The following EIF5AL1 variants were observed in gnomAD, a reference collection of about 807,000 sequenced individuals.
The protein encoded by EIF5AL1 is eukaryotic translation initiation factor 5A like 1.
Under a neutral mutation model 9.0 loss-of-function variants are expected in EIF5AL1, and 4 were observed. The observed-to-expected ratio is 0.45, with a 90% CI of 0.22 to 1.02. The LOEUF (loss-of-function observed/expected upper bound fraction) is 1.02. EIF5AL1 is among the 50% of genes least tolerant of loss of function. The pLI is 0.24. For missense variants in EIF5AL1, 58 were observed against 194.1 expected (o/e 0.30, Z 4.17); for synonymous variants, 40 against 75.7 (o/e 0.53, Z 2.45).
rs1471850577 is a variant in EIF5AL1 at position 79,514,319 on chromosome 10, C to T, written c.*1205C>T. On this transcript the variant is annotated 3_prime_UTR_variant, in exon 1 of 1. Coordinates refer to ENST00000520547, the MANE Select transcript of EIF5AL1 (RefSeq NM_001099692.2). ...CTAACTGAGATGCAAAGAAGCAGAG[C>T]AGCTTTTGCACCATGTGGAGGACTA... 6.0e-6 allele frequency: 1 copy of T among 167,080 alleles called. No individual in the cohort carries two copies. The highest frequency in any genetic ancestry group is 2.4e-5 in the African/African-American group (1 of 41,434). 10.3% of individuals were successfully genotyped at this position (167,080 alleles called of 1,614,324 possible). A position where few individuals can be genotyped will look rare whatever the true frequency, so the allele number is the denominator to read the frequency against.
chr10:79,512,809 G>A lies in EIF5AL1; in HGVS notation c.160G>A (p.Ala54Thr), dbSNP rs898448475. Residue 54 changes from alanine (A) to threonine (T), a missense_variant, in exon 1 of 1, where the codon GCC (alanine) becomes ACC (threonine). Physicochemically the swap from Ala to Thr is moderately conservative, Grantham distance 58. This residue lies in a region of EIF5AL1 where 10 missense variants were observed against 89.7 expected (regional missense o/e 0.11). Transcript: ENST00000520547. Reference sequence around the variant, plus strand: ...TTCGAAGACTGGCAAGCACGGCCACGCCAAGGTCCATCTGGTTGGTATTGA... The same window carrying A: ...TTCGAAGACTGGCAAGCACGGCCACACCAAGGTCCATCTGGTTGGTATTGA... Reference protein sequence around the residue: ...SASKTGKHGHAKVHLVGIDIF... With the variant: ...SASKTGKHGHTKVHLVGIDIF... 7 of 1,611,238 alleles carry A rather than the reference G, an allele frequency of 4.3e-6. No individual in the cohort carries two copies. In the African/African-American group the frequency reaches 8.1e-5, roughly 19 times the overall value.
rs1404824417 is a variant in EIF5AL1, at chr10:79,515,934, T to G, written c.*2820T>G. ...ACCCAAAAAAACATGTACTAGGATT[T>G]CAATAGAAGCAATGGGTGATCTAAA... On this transcript the variant is annotated 3_prime_UTR_variant, in exon 1 of 1. Coordinates refer to ENST00000520547, the MANE Select transcript of EIF5AL1 (RefSeq NM_001099692.2). 1 of 167,074 alleles carries G rather than the reference T, an allele frequency of 6.0e-6. No homozygotes were observed. The highest frequency in any genetic ancestry group is 1.5e-5 in the Non-Finnish European group (1 of 68,120). The allele number at this position is 167,074 out of a possible 1,614,324, so 10.3% of individuals were successfully genotyped here. A position where few individuals can be genotyped will look rare whatever the true frequency, so the allele number is the denominator to read the frequency against.
rs534012209 is a variant in EIF5AL1 at position 79,515,870 on chromosome 10, G to GT, written c.*2764dup. The GT allele has an allele frequency of 0.27, 45,488 of 166,306 alleles. 6,506 individuals carry two copies. The highest frequency in any genetic ancestry group is 0.38 in the African/African-American group (15,564 of 41,218). 10.3% of individuals were successfully genotyped at this position (166,306 alleles called of 1,614,324 possible). ...ACATCTTTAAAGTTCTGTGTAGAAT[G>GT]TTTTTTTTCTGATTTCTTCACATAC... On this transcript the variant is annotated 3_prime_UTR_variant, in exon 1 of 1. Coordinates refer to ENST00000520547, the MANE Select transcript of EIF5AL1 (RefSeq NM_001099692.2).
rs1367110376 is a variant in EIF5AL1 at position 79,514,719 on chromosome 10, A to T, written c.*1605A>T. 1.8e-5 allele frequency: 3 copies of T among 167,586 alleles called. No homozygotes were observed. The highest frequency in any genetic ancestry group is 7.2e-5 in the African/African-American group (3 of 41,460). 10.4% of individuals were successfully genotyped at this position (167,586 alleles called of 1,614,324 possible). A position where few individuals can be genotyped will look rare whatever the true frequency, so the allele number is the denominator to read the frequency against. ...AAAAGCTAAAAGACTGTGAAAATGA[A>T]TCCAGAGGTGACCCAAGCATTGAAT... On this transcript the variant is annotated 3_prime_UTR_variant, in exon 1 of 1. Coordinates refer to ENST00000520547, the MANE Select transcript of EIF5AL1 (RefSeq NM_001099692.2).
At position 79,513,276 on chromosome 10, in the gene EIF5AL1, G is replaced by C; in HGVS notation, c.*162G>C. 1.3e-6 allele frequency: 1 copy of C among 766,144 alleles called. No homozygotes were observed. The highest frequency in any genetic ancestry group is 2.7e-5 in the East Asian group (1 of 37,348). 47.5% of individuals were successfully genotyped at this position (766,144 alleles called of 1,614,324 possible). On this transcript the variant is annotated 3_prime_UTR_variant, in exon 1 of 1. Coordinates refer to ENST00000520547, the MANE Select transcript of EIF5AL1 (RefSeq NM_001099692.2). ...TTTCCCCACCCCCTCAATCTGTCAG[G>C]GAGCCCCTGCCCTTCACCTAGCTCC...
rs1858181214 is a variant in EIF5AL1 at position 79,513,343 on chromosome 10, C to T, written c.*229C>T. 1.3e-5 allele frequency: 8 copies of T among 616,554 alleles called. No individual in the cohort carries two copies. The South Asian group carries it at 1.4e-4, about 11-fold the overall frequency. The allele number at this position is 616,554 out of a possible 1,614,324, so 38.2% of individuals were successfully genotyped here. On this transcript the variant is annotated 3_prime_UTR_variant, in exon 1 of 1. Coordinates refer to ENST00000520547, the MANE Select transcript of EIF5AL1 (RefSeq NM_001099692.2). Reference sequence around the variant, plus strand: ...CGAAGCCATGGCCTTGGTGAAGCTGCCCTCCTCTTCTCCCCTCACACTACA... The same window carrying T: ...CGAAGCCATGGCCTTGGTGAAGCTGTCCTCCTCTTCTCCCCTCACACTACA...
rs186448262 is a variant in EIF5AL1 at position 79,514,671 on chromosome 10, G to T, written c.*1557G>T. 6.0e-6 allele frequency: 1 copy of T among 167,028 alleles called. No homozygotes were observed. Among genetic ancestry groups the T allele is most frequent in the Non-Finnish European group, 1.5e-5 (1 of 68,150 alleles). 10.3% of individuals were successfully genotyped at this position (167,028 alleles called of 1,614,324 possible). ...GCCAAAAAGACTAGTCATGTGGCAGGAAAAATACAATGTCATATGACCAAA... is the reference window on the plus strand; with the variant it reads ...GCCAAAAAGACTAGTCATGTGGCAGTAAAAATACAATGTCATATGACCAAA... On this transcript the variant is annotated 3_prime_UTR_variant, in exon 1 of 1. Transcript: ENST00000520547.
At position 79,513,452 on chromosome 10, in the gene EIF5AL1, G is replaced by A. The variant is rs2475362; in HGVS notation, c.*338G>A. On this transcript the variant is annotated 3_prime_UTR_variant, in exon 1 of 1. Coordinates refer to ENST00000520547, the MANE Select transcript of EIF5AL1 (RefSeq NM_001099692.2). ...TAAATTCAATCTGGAATCAGAAAGC[G>A]GTGGATTCTGGCAAATGGTCCTTGT... 7,290 of 383,524 alleles carry A rather than the reference G, an allele frequency of 0.019. 95 individuals carry two copies. Among genetic ancestry groups the A allele is most frequent in the African/African-American group, 0.026 (1,257 of 48,108 alleles). The allele number at this position is 383,524 out of a possible 1,614,324, so 23.8% of individuals were successfully genotyped here.
chr10:79,512,675 C>T lies in EIF5AL1; in HGVS notation c.26C>T (p.Thr9Ile). The change falls in exon 1 of 1, where the codon ACA (threonine) becomes ATA (isoleucine). Residue 9 changes from threonine (T) to isoleucine (I), a missense_variant. Thr to Ile is a moderately conservative substitution (Grantham distance 89). Transcript: ENST00000520547. ...ATGGCAGATGATTTGGACTTCGAGA[C>T]AGGAGATGCAGGGGCCTCAGCCACC... MADDLDFETGDAGASATFP... is the reference protein window; with the variant it reads MADDLDFEIGDAGASATFP... 2 of 1,332,588 alleles carry T rather than the reference C, an allele frequency of 1.5e-6. No homozygotes were observed. The highest frequency in any genetic ancestry group is 2.1e-6 in the Non-Finnish European group (2 of 949,224). 82.5% of individuals were successfully genotyped at this position (1,332,588 alleles called of 1,614,324 possible).
rs1187714944 is a variant in EIF5AL1, at chr10:79,514,661, C to T, written c.*1547C>T. The T allele has an allele frequency of 6.0e-6, 1 of 167,066 alleles. No homozygotes were observed. The highest frequency in any genetic ancestry group is 1.5e-5 in the Non-Finnish European group (1 of 68,162). 10.3% of individuals were successfully genotyped at this position (167,066 alleles called of 1,614,324 possible). On this transcript the variant is annotated 3_prime_UTR_variant, in exon 1 of 1. Transcript: ENST00000520547. ...CTTACATTTAGCCAAAAAGACTAGT[C>T]ATGTGGCAGGAAAAATACAATGTCA...
In EIF5AL1 at chr10:79,513,285, G is replaced by A; in HGVS notation, c.*171G>A. 1.4e-6 allele frequency: 1 copy of A among 719,922 alleles called. No homozygotes were observed. Among genetic ancestry groups the A allele is most frequent in the Non-Finnish European group, 2.4e-6 (1 of 425,394 alleles). 44.6% of individuals were successfully genotyped at this position (719,922 alleles called of 1,614,324 possible). The stretch of plus-strand genomic sequence containing the variant: ...CCCCTCAATCTGTCAGGGAGCCCCT[G>A]CCCTTCACCTAGCTCCCTTGGCCAG... On this transcript the variant is annotated 3_prime_UTR_variant, in exon 1 of 1. Transcript: ENST00000520547.
In EIF5AL1 at chr10:79,516,310, A is replaced by G. The variant is rs1251881271; in HGVS notation, c.*3196A>G. 2 of 167,136 alleles carry G rather than the reference A, an allele frequency of 1.2e-5. No homozygotes were observed. Among genetic ancestry groups the G allele is most frequent in the Non-Finnish European group, 2.9e-5 (2 of 68,130 alleles). 10.4% of individuals were successfully genotyped at this position (167,136 alleles called of 1,614,324 possible). ...GACTAAGTTGGGTAGAGACTGTTCA[A>G]TGTGCCTAGATATCTTCAGAACTTA... On this transcript the variant is annotated 3_prime_UTR_variant, in exon 1 of 1. Transcript: ENST00000520547.
rs945443641 is a variant in EIF5AL1, at chr10:79,515,440, A to G, written c.*2326A>G. The stretch of plus-strand genomic sequence containing the variant: ...CACAACTGAACTGTACATTTCAACA[A>G]GGTTAAGATGGTAATTATCACGTTA... On this transcript the variant is annotated 3_prime_UTR_variant, in exon 1 of 1. Coordinates refer to ENST00000520547, the MANE Select transcript of EIF5AL1 (RefSeq NM_001099692.2). 8 of 168,612 alleles carry G rather than the reference A, an allele frequency of 4.7e-5. No homozygotes were observed. Among genetic ancestry groups the G allele is most frequent in the African/African-American group, 1.9e-4 (8 of 41,462 alleles). 10.4% of individuals were successfully genotyped at this position (168,612 alleles called of 1,614,324 possible).
Position 79,514,819 on chromosome 10 carries a change from C to T in EIF5AL1, c.*1705C>T, listed in dbSNP as rs866838038. ...CAAGAATGTAGGAAGGGAAAGGAAA[C>T]ACGAAGATTAATCAAGCAGGAAGGA... On this transcript the variant is annotated 3_prime_UTR_variant, in exon 1 of 1. Coordinates refer to ENST00000520547, the MANE Select transcript of EIF5AL1 (RefSeq NM_001099692.2). 1,182 of 168,068 alleles carry T rather than the reference C, an allele frequency of 7.0e-3. No individual in the cohort carries two copies. The highest frequency in any genetic ancestry group is 0.027 in the African/African-American group (1,119 of 41,220). The allele number at this position is 168,068 out of a possible 1,614,324, so 10.4% of individuals were successfully genotyped here. A position where few individuals can be genotyped will look rare whatever the true frequency, so the allele number is the denominator to read the frequency against.
In EIF5AL1 at chr10:79,515,681, T is replaced by C. The variant is rs1303643429; in HGVS notation, c.*2567T>C. On this transcript the variant is annotated 3_prime_UTR_variant, in exon 1 of 1. Transcript: ENST00000520547. ...GGTTGGAACCTAACACAAAACATTCTCAGTAATGACTGAATTCCCACAAAG... is the reference window on the plus strand; with the variant it reads ...GGTTGGAACCTAACACAAAACATTCCCAGTAATGACTGAATTCCCACAAAG... 6.0e-6 allele frequency: 1 copy of C among 167,068 alleles called. No individual in the cohort carries two copies. The highest frequency in any genetic ancestry group is 1.9e-4 in the East Asian group (1 of 5,192). 10.3% of individuals were successfully genotyped at this position (167,068 alleles called of 1,614,324 possible).
rs1352084608 is a variant in EIF5AL1, at chr10:79,516,072, C to A, written c.*2958C>A. On this transcript the variant is annotated 3_prime_UTR_variant, in exon 1 of 1. Coordinates refer to ENST00000520547, the MANE Select transcript of EIF5AL1 (RefSeq NM_001099692.2). ...GTCAAACACATGAAGAAATGAGAAG[C>A]AAAGAAAAACCATGAGGCATGAACA... 1 of 166,942 alleles carries A rather than the reference C, an allele frequency of 6.0e-6. No homozygotes were observed. Among genetic ancestry groups the A allele is most frequent in the African/African-American group, 2.4e-5 (1 of 41,384 alleles). 10.3% of individuals were successfully genotyped at this position (166,942 alleles called of 1,614,324 possible). A position where few individuals can be genotyped will look rare whatever the true frequency, so the allele number is the denominator to read the frequency against.
Position 79,516,383 on chromosome 10 carries a change from T to C in EIF5AL1, c.*3269T>C, listed in dbSNP as rs918607443. ...TGTTGAAGGGCAGTGCCAAATGATG[T>C]GTAATTATCTAGGTTGTAAAAATAA... On this transcript the variant is annotated 3_prime_UTR_variant, in exon 1 of 1. Coordinates refer to ENST00000520547, the MANE Select transcript of EIF5AL1 (RefSeq NM_001099692.2). 1.2e-5 allele frequency: 2 copies of C among 167,136 alleles called. No homozygotes were observed. Among genetic ancestry groups the C allele is most frequent in the Non-Finnish European group, 2.9e-5 (2 of 68,126 alleles). 10.4% of individuals were successfully genotyped at this position (167,136 alleles called of 1,614,324 possible).
chr10:79,513,025 A>G lies in EIF5AL1; in HGVS notation c.376A>G (p.Lys126Glu), dbSNP rs746615277. Residue 126 changes from lysine to glutamate, a missense_variant, in exon 1 of 1, where the codon AAG becomes GAG. Around this residue, in one of 2 missense-constraint regions of EIF5AL1, gnomAD observed 48 missense variants for 104.3 expected, o/e 0.46. Coordinates refer to ENST00000520547, the MANE Select transcript of EIF5AL1 (RefSeq NM_001099692.2). ...AGACCTTGGCAAGGAGATTGAGCAG[A>G]AGTACGACTGTGGAGAAGAGATCCT... is the stretch of plus-strand genomic sequence containing the variant. The part of the protein sequence containing the change: ...EGDLGKEIEQ[K>E]YDCGEEILIT... The G allele has an allele frequency of 6.2e-7, 1 of 1,611,302 alleles. No homozygotes were observed. Among genetic ancestry groups the G allele is most frequent in the Non-Finnish European group, 8.5e-7 (1 of 1,178,394 alleles).
rs1205567610 is a variant in EIF5AL1, at chr10:79,515,098, G to A, written c.*1984G>A. 4.9e-6 allele frequency: 1 copy of A among 205,364 alleles called. No homozygotes were observed. Among genetic ancestry groups the A allele is most frequent in the Non-Finnish European group, 1.1e-5 (1 of 92,214 alleles). 12.7% of individuals were successfully genotyped at this position (205,364 alleles called of 1,614,324 possible). On this transcript the variant is annotated 3_prime_UTR_variant, in exon 1 of 1. Transcript: ENST00000520547. ...TCCATGATGTAAAGAAGTATTTTAG[G>A]TCCATTTTAATTCCTGCAAAGGATA...
Sources: gnomAD v4.1 joint callset for allele counts on GRCh38, gnomAD v4.1.1 for gene constraint, gnomAD v4.1.1 regional missense constraint, MANE v1.5 for transcripts, NCBI Gene and HGNC (gene_info 2026-07-23, HGNC 2026-07-21) for gene names.